CSMD1: variants seen among roughly 807,000 people sequenced by gnomAD.
The protein encoded by CSMD1 is CUB and Sushi multiple domains 1.
CSMD1 carries 213 observed loss-of-function variants against 417.5 expected under a neutral mutation model. That is an observed-to-expected ratio of 0.51 (90% CI 0.46 to 0.57). The LOEUF is 0.57. CSMD1 is among the 20% of genes least tolerant of loss of function. The pLI is 0.00. For synonymous variants in CSMD1, 2,862 were observed against 1,736.8 expected, an observed-to-expected ratio of 1.65 and a Z score of -16.11; for missense variants, 6,923 against 4,529.7, an observed-to-expected ratio of 1.53 and a Z score of -15.17.
intron 12 of CSMD1, among the ~76,000 whole-genome samples, chr8:3,427,248 A>G (rs1813906257): frequency 6.6e-6 from 1 of 152,204 alleles, no homozygotes; most frequent in African/African-American, 2.4e-5. Flanking sequence ...TTTTGCTTTG[A>G]GATTTTCAAG....
At chr8:4,332,483 A>C (rs1238210476) in intron 3 of CSMD1, among the ~76,000 whole-genome samples, 1 of 151,722 alleles carries the variant, frequency 6.6e-6, no homozygotes, top group Non-Finnish European at 1.5e-5. Context: ...TGAGCACCTC[A>C]CAGATAGGAG....
chr8:4,411,578 G>T (rs954626190), intron 3 of CSMD1, among the ~76,000 whole-genome samples: 2 of 152,068 alleles, frequency 1.3e-5, no homozygotes, highest in African/African-American at 4.8e-5. Flanking sequence ...TCATTGCAAT[G>T]AGCTAAATAA....
At chr8:3,198,129 A>G (rs894633853) in intron 33 of CSMD1, among the ~76,000 whole-genome samples, 7 of 152,222 alleles carry the variant, frequency 4.6e-5, no homozygotes, top group Non-Finnish European at 8.8e-5. Flanking sequence ...TTAAATAAGC[A>G]TAATTTTTAA....
chr8:4,726,104 T>C (rs558839806), intron 1 of CSMD1, among the ~76,000 whole-genome samples: 3 of 152,136 alleles, frequency 2.0e-5, no homozygotes, highest in South Asian at 4.1e-4. Context: ...AACGCACATA[T>C]AACACACGGG....
chr8:4,163,536 G>T (rs1435926453), intron 3 of CSMD1, among the ~76,000 whole-genome samples: 1 of 152,078 alleles, frequency 6.6e-6, no homozygotes, highest in East Asian at 1.9e-4. Context: ...TTAATATTAG[G>T]TAAAGCTACA....
chr8:3,252,244 C>T (rs1344104008), intron 26 of CSMD1, among the ~76,000 whole-genome samples: 2 of 152,056 alleles, frequency 1.3e-5, no homozygotes, highest in African/African-American at 4.8e-5. Flanking sequence ...CCATCAATAC[C>T]TGATTTATTG....
chr8:3,175,397 T>A (rs1025520406), intron 37 of CSMD1, among the ~76,000 whole-genome samples: 2 of 152,174 alleles, frequency 1.3e-5, no homozygotes, highest in Non-Finnish European at 2.9e-5. Context: ...CTATCAGGAT[T>A]TTCTACTTCC....
chr8:3,552,478 A>G (rs1244706314), intron 10 of CSMD1, among the ~76,000 whole-genome samples: 1 of 152,212 alleles, frequency 6.6e-6, no homozygotes, highest in Non-Finnish European at 1.5e-5. Flanking sequence ...CTGACCTGTG[A>G]TAACTGCCTT....
chr8:4,255,215 C>T (rs1454142929), intron 3 of CSMD1, among the ~76,000 whole-genome samples: 1 of 152,110 alleles, frequency 6.6e-6, no homozygotes, highest in Non-Finnish European at 1.5e-5. Flanking sequence ...TTATAAGCAG[C>T]GCATGCAGTC....
rs533846732 is a variant in CSMD1, at chr8:3,938,750, T to A, written c.818+59153A>T. On this transcript the variant is annotated intron_variant, in intron 5 of 69. Transcript: ENST00000635120. Reference sequence around the variant, plus strand: ...TTGTTTTCCTCATCTCAGCAATCTATGTCAAGTGCCTTTGTTGTTAATGTG... The same window carrying A: ...TTGTTTTCCTCATCTCAGCAATCTAAGTCAAGTGCCTTTGTTGTTAATGTG... Among the ~76,000 whole-genome samples, 4 of 152,316 alleles carry A rather than the reference T, an allele frequency of 2.6e-5. No homozygotes were observed. In the South Asian group the frequency reaches 8.3e-4, roughly 32 times the overall value.
At chr8:3,637,817 T>C (rs1342494288) in intron 7 of CSMD1, among the ~76,000 whole-genome samples, 4 of 152,172 alleles carry the variant, frequency 2.6e-5, no homozygotes, top group African/African-American at 4.8e-5. Context: ...TAATTGAATC[T>C]TGGGGGCCAG....
chr8:3,117,207 A>T (rs888525428), intron 42 of CSMD1, among the ~76,000 whole-genome samples: 1 of 152,118 alleles, frequency 6.6e-6, no homozygotes, highest in African/African-American at 2.4e-5. Flanking sequence ...AGTAGCTGGG[A>T]CTACAGGTGC....
chr8:4,587,698 G>C (rs558463965), intron 2 of CSMD1, among the ~76,000 whole-genome samples: 128 of 152,226 alleles, frequency 8.4e-4, no homozygotes, highest in Admixed American at 5.6e-3. Context: ...TACTGGTTAA[G>C]AGATTTTCTC....
intron 23 of CSMD1, among the ~76,000 whole-genome samples, chr8:3,314,875 T>G (rs1180400864): frequency 3.3e-5 from 5 of 152,250 alleles, no homozygotes; most frequent in Admixed American, 1.3e-4. Flanking sequence ...TAATCCATTT[T>G]ATACATTAGG....
chr8:4,511,433 T>C (rs1802815277), intron 2 of CSMD1, among the ~76,000 whole-genome samples: 1 of 152,152 alleles, frequency 6.6e-6, no homozygotes, highest in Non-Finnish European at 1.5e-5. Flanking sequence ...TTTATACAGA[T>C]TATTGTTTTA....
At chr8:3,945,162 T>C (rs1026905809) in intron 5 of CSMD1, among the ~76,000 whole-genome samples, 1 of 126,294 alleles carries the variant, frequency 7.9e-6, no homozygotes, top group Non-Finnish European at 1.6e-5. Flanking sequence ...TGCCAATAAT[T>C]TGACCATGAG....
intron 5 of CSMD1, among the ~76,000 whole-genome samples, chr8:3,843,179 TA>T (rs1335497231): frequency 6.6e-6 from 1 of 152,188 alleles, no homozygotes; most frequent in African/African-American, 2.4e-5. Context: ...TCATGGCTTG[TA>T]AATTGTTTGT....
At chr8:3,365,935 G>C (rs977181898) in intron 20 of CSMD1, among the ~76,000 whole-genome samples, 1 of 152,190 alleles carries the variant, frequency 6.6e-6, no homozygotes, top group Non-Finnish European at 1.5e-5. Context: ...AGTGGGGCAA[G>C]CAAACTTTCT....
At chr8:3,829,929 T>C (rs2129087103) in intron 5 of CSMD1, among the ~76,000 whole-genome samples, 1 of 152,268 alleles carries the variant, frequency 6.6e-6, no homozygotes, top group South Asian at 2.1e-4. Context: ...TTTTCTCCTT[T>C]GAAAAAAAAC....
Sources: allele counts gnomAD v4.1 joint callset (sites outside exome capture counted in the v4.1 genomes callset), GRCh38; gene constraint gnomAD v4.1.1; transcripts MANE v1.5; gene names NCBI Gene and HGNC (gene_info 2026-07-23, HGNC 2026-07-21).